Variants in CEP192 observed in about 807,000 individuals in gnomAD.
The protein encoded by CEP192 is centrosomal protein of 192 kDa.
In CEP192, 151 loss-of-function variants were observed where a neutral mutation model predicts 271.8. The ratio of observed to expected loss-of-function variants is 0.56; its 90% CI spans 0.49 to 0.64. The LOEUF (loss-of-function observed/expected upper bound fraction) is 0.64, where lower values mean the gene tolerates loss of function less well. Ranked by LOEUF, CEP192 falls within the 30% of genes least tolerant of loss-of-function variation. The pLI, the probability that CEP192 is intolerant of heterozygous loss-of-function variation, is 0.00. For synonymous variants in CEP192, 995 were observed against 1,076.5 expected, an observed-to-expected ratio of 0.92 and a Z score of 1.48; for missense variants, 2,910 against 3,020.5, an observed-to-expected ratio of 0.96 and a Z score of 0.86.
chr18:13,051,025 C>T (rs1457029905), intron 17 of CEP192, among the ~76,000 whole-genome samples: 1 of 152,176 alleles, frequency 6.6e-6, no homozygotes, highest in Non-Finnish European at 1.5e-5. Context: ...TTTACTGTCC[C>T]TATGGAAGAC....
chr18:12,995,276 G>C (rs2033153375), intron 1 of CEP192, among the ~76,000 whole-genome samples: 1 of 151,936 alleles, frequency 6.6e-6, no homozygotes, highest in South Asian at 2.1e-4. Flanking sequence ...GTGTTAGCCA[G>C]GATGGTCTTG....
At chr18:13,075,497 C>T (rs1017843752) in intron 30 of CEP192, among the ~76,000 whole-genome samples, 7 of 152,002 alleles carry the variant, frequency 4.6e-5, no homozygotes, top group Non-Finnish European at 7.4e-5. Flanking sequence ...ACCCGGGAGG[C>T]GGAGGTTGCA....
intron 9 of CEP192, among the ~76,000 whole-genome samples, chr18:13,022,165 A>G (rs2035031382): frequency 6.6e-6 from 1 of 152,140 alleles, no homozygotes; most frequent in Non-Finnish European, 1.5e-5. Context: ...TCCTTTGTCA[A>G]AGATTAGTTT....
intron 14 of CEP192, among the ~76,000 whole-genome samples, chr18:13,041,450 T>TA (rs1376306915): frequency 6.6e-6 from 1 of 152,200 alleles, no homozygotes; most frequent in African/African-American, 2.4e-5. Flanking sequence ...CTGCATTCCT[T>TA]AAAGAGCCTG....
chr18:13,022,703 T>C (rs934585005), intron 9 of CEP192, among the ~76,000 whole-genome samples: 2 of 152,204 alleles, frequency 1.3e-5, no homozygotes, highest in African/African-American at 4.8e-5. Flanking sequence ...AGAATCAGTT[T>C]GTCAGTATCC....
chr18:13,078,254 A>G (rs1478552543), intron 30 of CEP192, among the ~76,000 whole-genome samples: 1 of 152,200 alleles, frequency 6.6e-6, no homozygotes, highest in Non-Finnish European at 1.5e-5. Flanking sequence ...CCTGCAAAGG[A>G]CATGAACTTA....
chr18:13,050,910 T>C (rs2036751172), intron 17 of CEP192, among the ~76,000 whole-genome samples: 1 of 152,198 alleles, frequency 6.6e-6, no homozygotes, highest in African/African-American at 2.4e-5. Flanking sequence ...TTACCAGTCA[T>C]CCAGCCCAAA....
chr18:13,096,212 G>A lies in CEP192; in HGVS notation c.6462G>A (p.Gln2154=). The change falls in exon 36 of 45, where the codon CAG becomes CAA. Residue 2154 remains glutamine (Q), a synonymous_variant. Transcript: ENST00000506447. ...PCDMAKTGRF[Q]IVNNSVRLLR... The stretch of plus-strand genomic sequence containing the variant: ...ACATGGCAAAAACTGGACGTTTCCA[G>A]ATTGTGAATAACTCTGTGAGGTTAC... The A allele has an allele frequency of 6.2e-7, 1 of 1,614,092 alleles. No individual in the cohort carries two copies. Among genetic ancestry groups the A allele is most frequent in the Non-Finnish European group, 8.5e-7 (1 of 1,179,932 alleles).
intron 11 of CEP192, among the ~76,000 whole-genome samples, chr18:13,035,590 G>C (rs2035874654): frequency 6.6e-6 from 1 of 152,164 alleles, no homozygotes; most frequent in African/African-American, 2.4e-5. Flanking sequence ...AACAATTCAA[G>C]TTGAGATTTG....
At chr18:13,097,147 C>CT (rs2039438851) in intron 36 of CEP192, among the ~76,000 whole-genome samples, 1 of 152,202 alleles carries the variant, frequency 6.6e-6, no homozygotes, top group Admixed American at 6.5e-5. Flanking sequence ...TGGCATGCAG[C>CT]AAGTGTTTCT....
chr18:13,077,814 A>G (rs2038370464), intron 30 of CEP192, among the ~76,000 whole-genome samples: 1 of 152,218 alleles, frequency 6.6e-6, no homozygotes, highest in Non-Finnish European at 1.5e-5. Context: ...AGAATTACTG[A>G]GAAGTTGAAA....
chr18:13,003,605 C>A (rs180990616), intron 3 of CEP192, among the ~76,000 whole-genome samples: 1 of 152,162 alleles, frequency 6.6e-6, no homozygotes, highest in East Asian at 1.9e-4. Context: ...CACAGAGCAC[C>A]AGGGAGGCTG....
chr18:13,020,106 C>T (rs1454834608), intron 9 of CEP192, among the ~76,000 whole-genome samples: 1 of 152,152 alleles, frequency 6.6e-6, no homozygotes. Context: ...CCACCACACC[C>T]AGCTACTATC....
chr18:13,020,264 C>T (rs1420979934), intron 9 of CEP192, among the ~76,000 whole-genome samples: 3 of 152,192 alleles, frequency 2.0e-5, no homozygotes. Flanking sequence ...ATGGCAGCTA[C>T]CATTCTACTT....
At chr18:13,030,048 T>C in intron 10 of CEP192, 46 bp downstream of exon 10, 3 of 1,343,924 alleles carry the variant, frequency 2.2e-6, no homozygotes, top group Non-Finnish European at 3.1e-6. Context: ...TAGATGTTCA[T>C]ACATTTTGAA....
chr18:13,022,099 A>G (rs1281398110), intron 9 of CEP192, among the ~76,000 whole-genome samples: 2 of 152,036 alleles, frequency 1.3e-5, no homozygotes, highest in South Asian at 2.1e-4. Context: ...TAAATATCCA[A>G]TTGTTCCAGC....
At position 13,067,774 on chromosome 18, in the gene CEP192, ATGT is replaced by A. The variant is rs1389513335; in HGVS notation, c.4489-53_4489-51del. On this transcript the variant is annotated intron_variant, in intron 21 of 44. Transcript: ENST00000506447. The stretch of plus-strand genomic sequence containing the variant: ...AGAAATGGCAGTGATATGAACATAC[ATGT>A]TGTGCTATTAATATATTGCTTTTCA... The A allele has an allele frequency of 1.4e-5, 20 of 1,453,064 alleles. 1 individual carries two copies. Among genetic ancestry groups the A allele is most frequent in the African/African-American group, 4.2e-5 (3 of 71,298 alleles). The allele number at this position is 1,453,064 out of a possible 1,614,324, so 90.0% of individuals were successfully genotyped here. A position where few individuals can be genotyped will look rare whatever the true frequency, so the allele number is the denominator to read the frequency against.
chr18:13,069,186 G>A lies in CEP192; in HGVS notation c.5055+5G>A, dbSNP rs1293966000. The stretch of plus-strand genomic sequence containing the variant: ...GAAGTTTATTTGGATATCAAGGTAT[G>A]CACTTCCATGAGAGTGCCATAAGAT... On this transcript the variant is annotated splice_donor_5th_base_variant and intron_variant, in intron 26 of 44. Coordinates refer to ENST00000506447, the MANE Select transcript of CEP192 (RefSeq NM_032142.4). 3.7e-6 allele frequency: 6 copies of A among 1,608,196 alleles called. No individual in the cohort carries two copies. Among genetic ancestry groups the A allele is most frequent in the Admixed American group, 1.7e-5 (1 of 59,982 alleles).
At chr18:13,104,743 A>G (rs1223993992) in intron 39 of CEP192, among the ~76,000 whole-genome samples, 2 of 152,260 alleles carry the variant, frequency 1.3e-5, no homozygotes, top group African/African-American at 4.8e-5. Context: ...AAAGATCACT[A>G]TAGCCAGGGA....
Sources: allele counts gnomAD v4.1 joint callset (sites outside exome capture counted in the v4.1 genomes callset), GRCh38; gene constraint gnomAD v4.1.1; transcripts MANE v1.5; gene names NCBI Gene and HGNC (gene_info 2026-07-23, HGNC 2026-07-21).